ADCY1: variants seen among roughly 807,000 people sequenced by gnomAD.
ADCY1 encodes the protein adenylate cyclase type 1.
In ADCY1, 28 loss-of-function variants were observed where a neutral mutation model predicts 105.4. That is an observed-to-expected ratio of 0.27 (90% CI 0.20 to 0.36). The LOEUF (loss-of-function observed/expected upper bound fraction) is 0.36, where lower values mean the gene tolerates loss of function less well. Ranked by LOEUF, ADCY1 falls within the 10% of genes least tolerant of loss-of-function variation. ADCY1 has a pLI of 1.00. For missense variants in ADCY1, 977 were observed against 1,434.2 expected, an observed-to-expected ratio of 0.68 and a Z score of 5.15; for synonymous variants, 655 against 623.8, an observed-to-expected ratio of 1.05 and a Z score of -0.75.
Position 45,710,502 on chromosome 7 carries a change from C to A in ADCY1, c.2933-26C>A, listed in dbSNP as rs771007817. On this transcript the variant is annotated intron_variant, in intron 18 of 19. Coordinates refer to ENST00000297323, the MANE Select transcript of ADCY1 (RefSeq NM_021116.4). This position sits in a 1 kb window ranked among gnomAD's most constrained non-coding sequence, Gnocchi z 4.7. ...TGAGTTACACTTTTCCCGCTGATGACAGGTCATGCGCTGGCTGTTTTCTAG... is the reference window on the plus strand; with the variant it reads ...TGAGTTACACTTTTCCCGCTGATGAAAGGTCATGCGCTGGCTGTTTTCTAG... The A allele has an allele frequency of 8.7e-6, 14 of 1,609,498 alleles. No individual in the cohort carries two copies. In the African/African-American group the frequency reaches 1.6e-4, roughly 18 times the overall value.
chr7:45,634,821 T>TTGC (rs1794355069), intron 4 of ADCY1, among the ~76,000 whole-genome samples: 1 of 152,236 alleles, frequency 6.6e-6, no homozygotes, highest in South Asian at 2.1e-4. Flanking sequence ...AGGATTTGTA[T>TTGC]TGCATTATCC....
chr7:45,699,425 A>C (rs919111786), intron 14 of ADCY1, among the ~76,000 whole-genome samples: 1 of 152,210 alleles, frequency 6.6e-6, no homozygotes, highest in Non-Finnish European at 1.5e-5. Flanking sequence ...GGAAACGCAG[A>C]TAACTGCTCA....
At chr7:45,580,371 A>C in intron 1 of ADCY1, among the ~76,000 whole-genome samples, 1 of 152,142 alleles carries the variant, frequency 6.6e-6, no homozygotes, top group South Asian at 2.1e-4. Flanking sequence ...GAGCAGACAC[A>C]GGGGTGGAGT....
At chr7:45,668,181 G>A (rs1784299652) in intron 8 of ADCY1, among the ~76,000 whole-genome samples, 1 of 152,196 alleles carries the variant, frequency 6.6e-6, no homozygotes, top group African/African-American at 2.4e-5. Context: ...TAGGAGTGGT[G>A]AGAGAGGGCA....
intron 3 of ADCY1, among the ~76,000 whole-genome samples, chr7:45,616,762 T>C (rs1317722995): frequency 6.6e-6 from 1 of 152,050 alleles, no homozygotes; most frequent in Admixed American, 6.5e-5. Flanking sequence ...AACAAGACAA[T>C]GATATCCACC....
At chr7:45,610,994 AGTGT>A (rs2115871382) in intron 3 of ADCY1, among the ~76,000 whole-genome samples, 1 of 88,058 alleles carries the variant, frequency 1.1e-5, no homozygotes, top group East Asian at 4.0e-4. Context: ...TGATAGTGGA[AGTGT>A]GGAGGTGGTG....
chr7:45,655,814 T>C (rs1054931290), intron 5 of ADCY1, among the ~76,000 whole-genome samples: 1 of 152,064 alleles, frequency 6.6e-6, no homozygotes, highest in Non-Finnish European at 1.5e-5. Context: ...ATTTACTGTT[T>C]CATGGCTTCG....
In ADCY1 at chr7:45,686,464, C is replaced by G. The variant is rs1340468368; in HGVS notation, c.2328-83C>G. 1.3e-6 allele frequency: 2 copies of G among 1,536,820 alleles called. No homozygotes were observed. Among genetic ancestry groups the G allele is most frequent in the African/African-American group, 2.7e-5 (2 of 72,938 alleles). ...TGGGTGTCACCACCTGAGGGTCACT[C>G]TGAACAGTTCTTGGGTTTGGTGGCA... On this transcript the variant is annotated intron_variant, in intron 13 of 19. Transcript: ENST00000297323. This position sits in a 1 kb window ranked among gnomAD's most constrained non-coding sequence, Gnocchi z 4.3.
intron 8 of ADCY1, among the ~76,000 whole-genome samples, chr7:45,665,086 C>CA (rs1784200432): frequency 6.6e-6 from 1 of 152,222 alleles, no homozygotes; most frequent in South Asian, 2.1e-4. Context: ...CAGCTTCATC[C>CA]ATGTCCCTGC....
intron 4 of ADCY1, among the ~76,000 whole-genome samples, chr7:45,628,178 G>A (rs770622970): frequency 8.5e-5 from 13 of 152,194 alleles, no homozygotes; most frequent in Non-Finnish European, 1.5e-4. Context: ...GATTTTGCAG[G>A]CCAGAGGCTG....
At chr7:45,620,857 A>G (rs914023720) in intron 3 of ADCY1, among the ~76,000 whole-genome samples, 2 of 152,172 alleles carry the variant, frequency 1.3e-5, no homozygotes, top group Non-Finnish European at 2.9e-5. Flanking sequence ...TGTTACCACC[A>G]TGCAGAATCT....
intron 4 of ADCY1, among the ~76,000 whole-genome samples, chr7:45,635,598 C>CTTTTTTTTTT (rs1554322107): frequency 3.2e-5 from 1 of 31,430 alleles, no homozygotes; most frequent in African/African-American, 1.4e-4. Context: ...TCTAATTTCT[C>CTTTTTTTTTT]TTGTTTTTTT....
At chr7:45,645,911 G>A (rs1466770993) in intron 4 of ADCY1, among the ~76,000 whole-genome samples, 2 of 151,614 alleles carry the variant, frequency 1.3e-5, no homozygotes, top group African/African-American at 2.4e-5. Flanking sequence ...CCCTCATTTG[G>A]GCCTCTGAGA....
At chr7:45,706,800 C>A (rs1488516131) in intron 17 of ADCY1, among the ~76,000 whole-genome samples, 1 of 152,046 alleles carries the variant, frequency 6.6e-6, no homozygotes. Context: ...TCTTTGCAAG[C>A]CACCTATCTG....
chr7:45,648,541 G>A (rs569116222), intron 4 of ADCY1, 129 bp from the exon 5 acceptor site: 1 of 1,264,492 alleles, frequency 7.9e-7, no homozygotes, highest in South Asian at 1.4e-5. Flanking sequence ...GCGGGAAGGT[G>A]GTGGCCCAGG....
intron 1 of ADCY1, among the ~76,000 whole-genome samples, chr7:45,578,227 G>A (rs1408532673): frequency 1.3e-5 from 2 of 152,178 alleles, no homozygotes; most frequent in Non-Finnish European, 2.9e-5. Context: ...CCCCGGAGAA[G>A]TGCTTGATGC....
intron 4 of ADCY1, among the ~76,000 whole-genome samples, chr7:45,628,627 G>C (rs935173836): frequency 6.6e-6 from 1 of 152,146 alleles, no homozygotes; most frequent in Non-Finnish European, 1.5e-5. Context: ...AAATTATTAA[G>C]AAGAGTTCTC....
intron 14 of ADCY1, among the ~76,000 whole-genome samples, chr7:45,692,438 G>A (rs991023350): frequency 6.6e-6 from 1 of 152,190 alleles, no homozygotes; most frequent in Non-Finnish European, 1.5e-5. Context: ...AGTGAAGGGC[G>A]TGCCATGTAA....
chr7:45,578,719 G>T (rs1272669934), intron 1 of ADCY1, among the ~76,000 whole-genome samples: 1 of 152,236 alleles, frequency 6.6e-6, no homozygotes, highest in Non-Finnish European at 1.5e-5. Flanking sequence ...CCCACCCTGT[G>T]CCCTGCATTG....
Sources: allele counts gnomAD v4.1 joint callset (sites outside exome capture counted in the v4.1 genomes callset), GRCh38; gene constraint gnomAD v4.1.1; non-coding constraint Gnocchi (gnomAD v3.1); transcripts MANE v1.5; gene names NCBI Gene and HGNC (gene_info 2026-07-23, HGNC 2026-07-21).